The following GLIS3 variants were observed in gnomAD, a reference collection of about 807,000 sequenced individuals.
GLIS3 encodes the protein zinc finger protein GLIS3.
In GLIS3, 53 loss-of-function variants were observed where a neutral mutation model predicts 78.6. That is an observed-to-expected ratio of 0.67 (90% CI 0.54 to 0.85). The LOEUF is 0.85. Ranked by LOEUF, GLIS3 falls within the 40% of genes least tolerant of loss-of-function variation. The probability of loss-of-function intolerance (pLI) is 0.00; values close to 1 mark genes in which losing one functional copy is unlikely to be tolerated. For missense variants in GLIS3, 1,703 were observed against 1,231.1 expected, an observed-to-expected ratio of 1.38 and a Z score of -5.74; for synonymous variants, 684 against 509.9, an observed-to-expected ratio of 1.34 and a Z score of -4.60.
At chr9:4,350,486 T>C (rs1817954662), upstream of GLIS3, among the ~76,000 whole-genome samples, 1 of 152,212 alleles carries the variant, frequency 6.6e-6, no homozygotes, top group Non-Finnish European at 1.5e-5. Context: ...TATTCACCTG[T>C]GCACAGTGTA....
At chr9:4,228,045 C>T (rs1821925504) in intron 2 of GLIS3, among the ~76,000 whole-genome samples, 1 of 152,130 alleles carries the variant, frequency 6.6e-6, no homozygotes, top group Non-Finnish European at 1.5e-5. Context: ...AGGAGAATTT[C>T]TCCCCATACT....
At chr9:4,154,121 G>C (rs553375031) in intron 2 of GLIS3, among the ~76,000 whole-genome samples, 8 of 152,340 alleles carry the variant, frequency 5.3e-5, no homozygotes, top group Admixed American at 2.0e-4. Context: ...TGGTTTCCGA[G>C]AGGCAGAAAG....
At chr9:3,998,400 T>C (rs1820890282) in intron 4 of GLIS3, among the ~76,000 whole-genome samples, 1 of 151,942 alleles carries the variant, frequency 6.6e-6, no homozygotes, top group Non-Finnish European at 1.5e-5. Flanking sequence ...TATCACAGAG[T>C]TTTTCTTACC....
intron 2 of GLIS3, among the ~76,000 whole-genome samples, chr9:4,168,518 G>A (rs149893643): frequency 1.3e-5 from 2 of 152,124 alleles, no homozygotes; most frequent in Non-Finnish European, 2.9e-5. Flanking sequence ...ATTGAATTGT[G>A]ATAAAAGCAA....
At chr9:4,208,799 T>C (rs539849719) in intron 2 of GLIS3, among the ~76,000 whole-genome samples, 1 of 152,322 alleles carries the variant, frequency 6.6e-6, no homozygotes, top group South Asian at 2.1e-4. Context: ...TGGAACTCAA[T>C]GGGTGGCTGG....
intron 4 of GLIS3, among the ~76,000 whole-genome samples, chr9:3,946,645 A>G (rs545419455): frequency 6.6e-6 from 1 of 152,276 alleles, no homozygotes; most frequent in South Asian, 2.1e-4. Context: ...TTCTTTATTG[A>G]TATTCTGAGA....
intron 5 of GLIS3, among the ~76,000 whole-genome samples, chr9:3,934,018 A>C (rs1463684005): frequency 1.3e-5 from 2 of 152,220 alleles, no homozygotes; most frequent in South Asian, 2.1e-4. Context: ...TGTGCTGGGC[A>C]CTGTGTTTCA....
intron 7 of GLIS3, among the ~76,000 whole-genome samples, chr9:3,891,422 G>T (rs58195955): frequency 2.0e-5 from 3 of 152,146 alleles, no homozygotes; most frequent in Admixed American, 2.0e-4. Flanking sequence ...AGAAAAAAGA[G>T]CCGCTGCCAT....
At chr9:4,483,561 TTC>T in the GLIS3 span, among the ~76,000 whole-genome samples, 7 of 151,594 alleles carry the variant, frequency 4.6e-5, no homozygotes, top group Admixed American at 3.3e-4. Context: ...CTACTAAAAA[TTC>T]AAAAAAATTA....
intron 4 of GLIS3, among the ~76,000 whole-genome samples, chr9:4,021,697 G>C (rs1030682902): frequency 6.6e-6 from 1 of 152,084 alleles, no homozygotes; most frequent in Non-Finnish European, 1.5e-5. Flanking sequence ...GGATACCTTG[G>C]GGCTTAGAGA....
At chr9:4,206,300 G>A (rs1004886827) in intron 2 of GLIS3, among the ~76,000 whole-genome samples, 1 of 152,170 alleles carries the variant, frequency 6.6e-6, no homozygotes, top group Admixed American at 6.5e-5. Flanking sequence ...AGCTCAGAGA[G>A]GCTGTAATGA....
At chr9:4,228,324 G>T (rs1055571671) in intron 2 of GLIS3, among the ~76,000 whole-genome samples, 2 of 152,104 alleles carry the variant, frequency 1.3e-5, no homozygotes, top group Admixed American at 6.6e-5. Flanking sequence ...GAGTATAGGG[G>T]AGGAGTCGGG....
At chr9:4,320,057 T>G (rs1297311018) in intron 2 of GLIS3, among the ~76,000 whole-genome samples, 3 of 151,842 alleles carry the variant, frequency 2.0e-5, no homozygotes, top group Non-Finnish European at 2.9e-5. Context: ...AGTTGCTAAG[T>G]AAGAAACATA....
At position 4,194,798 on chromosome 9, in the gene GLIS3, T is replaced by C. The variant is rs927062240; in HGVS notation, c.389-68857A>G. ...ACCCTGGCCAAGGGAGAGTACTTTG[T>C]TTTTCCCAAGCCCTGGAGCTAACTT... On this transcript the variant is annotated intron_variant, in intron 2 of 10. Coordinates refer to ENST00000381971, the MANE Select transcript of GLIS3 (RefSeq NM_001042413.2). 5.9e-5 allele frequency among the ~76,000 whole-genome samples: 9 copies of C among 152,274 alleles called. No individual in the cohort carries two copies. The South Asian group carries it at 1.7e-3, about 28-fold the overall frequency.
chr9:3,832,426 G>C, intron 9 of GLIS3, among the ~76,000 whole-genome samples: 1 of 152,190 alleles, frequency 6.6e-6, no homozygotes, highest in Admixed American at 6.5e-5. Flanking sequence ...ATCTTCAACA[G>C]TTTTGGCCTT....
intron 2 of GLIS3, among the ~76,000 whole-genome samples, chr9:4,161,971 C>A (rs1835515995): frequency 6.6e-6 from 1 of 152,092 alleles, no homozygotes. Context: ...CAGGCGTGAG[C>A]CACTGCACCC....
At chr9:4,428,928 C>A in the GLIS3 span, among the ~76,000 whole-genome samples, 1 of 152,162 alleles carries the variant, frequency 6.6e-6, no homozygotes, top group Non-Finnish European at 1.5e-5. Flanking sequence ...ACCAATTCAT[C>A]ACTAAGGCTA....
intron 5 of GLIS3, chr9:3,933,003 G>A (rs1293529484): frequency 2.6e-5 from 6 of 230,394 alleles, no homozygotes; most frequent in African/African-American, 1.1e-4. Context: ...AAACAGACAC[G>A]TGAAAAATCT....
intron 5 of GLIS3, among the ~76,000 whole-genome samples, chr9:3,935,121 A>G (rs1563867367): frequency 1.3e-5 from 2 of 152,198 alleles, no homozygotes; most frequent in African/African-American, 2.4e-5. Flanking sequence ...TGACAGTATT[A>G]TAGTATAAGG....
Sources: gnomAD v4.1 joint callset for allele counts (sites outside exome capture counted in the v4.1 genomes callset) on GRCh38, gnomAD v4.1.1 for gene constraint, MANE v1.5 for transcripts, NCBI Gene and HGNC (gene_info 2026-07-23, HGNC 2026-07-21) for gene names.